Variants in GRIP1 observed in about 807,000 individuals in gnomAD.
The protein encoded by GRIP1 is glutamate receptor-interacting protein 1.
In GRIP1, 45 loss-of-function variants were observed where a neutral mutation model predicts 129.9. The observed-to-expected ratio is 0.35, with a 90% confidence interval of 0.27 to 0.44. The LOEUF (loss-of-function observed/expected upper bound fraction) is 0.44, where lower values mean the gene tolerates loss of function less well. GRIP1 is among the 20% of genes least tolerant of loss of function. The pLI is 1.00. For missense variants in GRIP1, 1,196 were observed against 1,396.8 expected (o/e 0.86, Z 2.29); for synonymous variants, 530 against 520.8 (o/e 1.02, Z -0.24).
chr12:66,583,182 G>A (rs1198502419), intron 2 of GRIP1, among the ~76,000 whole-genome samples: 1 of 151,118 alleles, frequency 6.6e-6, no homozygotes, highest in Admixed American at 6.6e-5. Flanking sequence ...AATAAATGGT[G>A]CTGGGAAAAC....
At chr12:66,588,285 G>A (rs995847510) in intron 2 of GRIP1, among the ~76,000 whole-genome samples, 6 of 152,048 alleles carry the variant, frequency 3.9e-5, no homozygotes, top group East Asian at 1.9e-4. Context: ...CTGGTAGTTC[G>A]CCTCCTCGGT....
At chr12:66,921,509 C>T (rs775037325) in intron 1 of GRIP1, among the ~76,000 whole-genome samples, 11 of 152,212 alleles carry the variant, frequency 7.2e-5, no homozygotes, top group African/African-American at 9.7e-5. Context: ...CATTTCTGGG[C>T]CCCATGCATG....
intron 7 of GRIP1, among the ~76,000 whole-genome samples, chr12:66,491,932 G>A (rs76364222): frequency 4.2e-4 from 64 of 152,036 alleles, no homozygotes; most frequent in Non-Finnish European, 7.1e-4. Context: ...AAAAATAGTC[G>A]GGGCTGGATA....
At chr12:66,893,401 G>A (rs1360080201) in intron 1 of GRIP1, among the ~76,000 whole-genome samples, 3 of 151,942 alleles carry the variant, frequency 2.0e-5, no homozygotes, top group Admixed American at 1.3e-4. Context: ...CACCACACCC[G>A]ACTAATTTTT....
At chr12:66,688,739 G>C (rs1034299886) in intron 1 of GRIP1, among the ~76,000 whole-genome samples, 8 of 149,032 alleles carry the variant, frequency 5.4e-5, no homozygotes, top group South Asian at 2.1e-4. Context: ...GGGATGTTTT[G>C]CAAACACTTT....
chr12:66,411,846 C>T (rs1316737579), intron 15 of GRIP1, among the ~76,000 whole-genome samples: 2 of 152,142 alleles, frequency 1.3e-5, no homozygotes, highest in African/African-American at 2.4e-5. Flanking sequence ...TCACAAGTGT[C>T]CATAGCCAAA....
intron 7 of GRIP1, among the ~76,000 whole-genome samples, chr12:66,497,290 G>C (rs2060263667): frequency 6.6e-6 from 1 of 152,192 alleles, no homozygotes; most frequent in African/African-American, 2.4e-5. Flanking sequence ...GTAAAACAGG[G>C]AGACCTAATC....
chr12:66,563,180 G>A (rs948020641), intron 2 of GRIP1, among the ~76,000 whole-genome samples: 19 of 151,698 alleles, frequency 1.3e-4, no homozygotes, highest in Non-Finnish European at 1.3e-4. Flanking sequence ...TATATACACT[G>A]TGTGTGTGTA....
chr12:66,378,664 A>G (rs150692408), intron 20 of GRIP1, among the ~76,000 whole-genome samples: 5,134 of 149,058 alleles, frequency 0.034, 306 homozygotes, highest in African/African-American at 0.12. Context: ...AGAATCACTC[A>G]AACCCAGGAG....
intron 1 of GRIP1, among the ~76,000 whole-genome samples, chr12:66,853,793 A>G (rs73132999): frequency 0.035 from 5,282 of 152,202 alleles, 101 homozygotes; most frequent in Middle Eastern, 0.058. Context: ...AAAGATATAA[A>G]TATCTGAAGT....
At position 66,445,420 on chromosome 12, in the gene GRIP1, T is replaced by C. The variant is rs1392307476; in HGVS notation, c.1443A>G (p.Thr481=). 2 of 1,614,080 alleles carry C rather than the reference T, an allele frequency of 1.2e-6. No homozygotes were observed. The highest frequency in any genetic ancestry group is 1.7e-6 in the Non-Finnish European group (2 of 1,179,890). Reference sequence around the variant, plus strand: ...TGCCCTGCAGTTGGATCCCAAATCCTGTGACAGGATCTGCCGTCAGCACAA... The same window carrying C: ...TGCCCTGCAGTTGGATCCCAAATCCCGTGACAGGATCTGCCGTCAGCACAA... ...TEVVLTADPV[T]GFGIQLQGSV... is the part of the protein sequence containing the mutation. The change falls in exon 12 of 25, where the codon ACA becomes ACG. Residue 481 remains threonine (T), a synonymous_variant. Transcript: ENST00000359742.
At chr12:66,412,826 G>A (rs76078342) in intron 15 of GRIP1, among the ~76,000 whole-genome samples, 5,365 of 152,184 alleles carry the variant, frequency 0.035, 316 homozygotes, top group African/African-American at 0.12. Flanking sequence ...CAAAAGCAGA[G>A]CCTGCACTCC....
intron 2 of GRIP1, among the ~76,000 whole-genome samples, chr12:66,544,211 C>T (rs1057295283): frequency 3.3e-5 from 5 of 152,178 alleles, no homozygotes. Flanking sequence ...CATTTAAAAA[C>T]ATTTCAAATG....
intron 1 of GRIP1, among the ~76,000 whole-genome samples, chr12:66,939,627 C>T (rs917834143): frequency 5.3e-5 from 8 of 152,016 alleles, no homozygotes; most frequent in Admixed American, 1.3e-4. Context: ...GTTCATTCAG[C>T]ATAATTTTCA....
chr12:66,729,392 T>C (rs2036357624), intron 1 of GRIP1, among the ~76,000 whole-genome samples: 1 of 152,188 alleles, frequency 6.6e-6, no homozygotes, highest in Non-Finnish European at 1.5e-5. Context: ...GTGAGCATAA[T>C]AAATACATAT....
intron 1 of GRIP1, among the ~76,000 whole-genome samples, chr12:66,954,501 C>G (rs1193612816): frequency 1.3e-5 from 2 of 152,186 alleles, no homozygotes; most frequent in African/African-American, 4.8e-5. Context: ...CACCAGTAAG[C>G]TGGTGGTTCT....
At position 67,061,501 on chromosome 12, in the gene GRIP1, T is replaced by C. The variant is rs186409223; in HGVS notation, c.58+7549A>G. ...CTGATTTTGAGTATAGTACAAGAAGTATATTAAAACTTTATTCACAGAGTA... is the reference window on the plus strand; with the variant it reads ...CTGATTTTGAGTATAGTACAAGAAGCATATTAAAACTTTATTCACAGAGTA... On this transcript the variant is annotated intron_variant, in intron 1 of 1. Coordinates refer to the GRIP1 transcript ENST00000643019. Among the ~76,000 whole-genome samples the C allele has an allele frequency of 2.3e-3, 346 of 152,268 alleles. 1 individual carries two copies. The highest frequency in any genetic ancestry group is 0.014 in the Middle Eastern group (4 of 294).
chr12:66,788,933 G>A (rs2136841640), intron 1 of GRIP1, among the ~76,000 whole-genome samples: 2 of 151,962 alleles, frequency 1.3e-5, no homozygotes, highest in African/African-American at 4.8e-5. Context: ...CAAATTTTGG[G>A]GTAATTTGTC....
intron 1 of GRIP1, among the ~76,000 whole-genome samples, chr12:66,670,166 G>A (rs2034008034): frequency 6.6e-6 from 1 of 152,174 alleles, no homozygotes; most frequent in Non-Finnish European, 1.5e-5. Flanking sequence ...AATGAGAAGA[G>A]CTGAGATGCT....
Sources: allele counts gnomAD v4.1 joint callset (sites outside exome capture counted in the v4.1 genomes callset), GRCh38; gene constraint gnomAD v4.1.1; transcripts MANE v1.5; gene names NCBI Gene and HGNC (gene_info 2026-07-23, HGNC 2026-07-21).